The following EPHA6 variants were observed in gnomAD, a reference collection of about 807,000 sequenced individuals.
EPHA6 encodes EPH receptor A6.
Under a neutral mutation model 112.0 loss-of-function variants are expected in EPHA6, and 50 were observed. The observed-to-expected ratio is 0.45, with a 90% confidence interval of 0.36 to 0.56. EPHA6 has a LOEUF of 0.56. Ranked by LOEUF, EPHA6 falls within the 20% of genes least tolerant of loss-of-function variation. The pLI is 0.00. For missense variants in EPHA6, 1,280 were observed against 1,417.4 expected (o/e 0.90, Z 1.56); for synonymous variants, 529 against 490.7 (o/e 1.08, Z -1.03).
In EPHA6 at chr3:96,852,113, A is replaced by C. The variant is rs537291782; in HGVS notation, c.386-14712A>C. Among the ~76,000 whole-genome samples, 3 of 152,210 alleles carry C rather than the reference A, an allele frequency of 2.0e-5. No homozygotes were observed. The South Asian group carries it at 6.2e-4, about 32-fold the overall frequency. On this transcript the variant is annotated intron_variant, in intron 1 of 17. Transcript: ENST00000389672. Reference sequence around the variant, plus strand: ...TTCAGTACAATGTGTGATATTTTGGAGTTGATCTGGAGCAACTGGAGTTTT... The same window carrying C: ...TTCAGTACAATGTGTGATATTTTGGCGTTGATCTGGAGCAACTGGAGTTTT...
At chr3:97,181,251 G>T (rs79464119) in intron 3 of EPHA6, among the ~76,000 whole-genome samples, 4 of 152,006 alleles carry the variant, frequency 2.6e-5, no homozygotes, top group African/African-American at 9.7e-5. Flanking sequence ...GGTGGAGAAG[G>T]GTGGCTTTGG....
At chr3:97,395,093 A>G (rs2086623066) in intron 5 of EPHA6, among the ~76,000 whole-genome samples, 1 of 151,688 alleles carries the variant, frequency 6.6e-6, no homozygotes, top group Non-Finnish European at 1.5e-5. Context: ...CAGCTGTCAT[A>G]TTGGTTTAAC....
chr3:97,222,780 G>A (rs926674797), intron 3 of EPHA6, among the ~76,000 whole-genome samples: 21 of 152,056 alleles, frequency 1.4e-4, no homozygotes, highest in South Asian at 6.2e-4. Flanking sequence ...AGTATGTATC[G>A]AGCACCTACA....
chr3:96,994,954 A>G (rs962836158), intron 3 of EPHA6, among the ~76,000 whole-genome samples: 1 of 151,982 alleles, frequency 6.6e-6, no homozygotes, highest in African/African-American at 2.4e-5. Flanking sequence ...GGCATAATTA[A>G]AAACCTTTCT....
rs1295296921 is a variant in EPHA6, at chr3:97,750,230, T to C, written c.*1529T>C. 6.6e-6 allele frequency among the ~76,000 whole-genome samples: 1 copy of C among 151,880 alleles called. No homozygotes were observed. The highest frequency in any genetic ancestry group is 6.6e-5 in the Admixed American group (1 of 15,234). ...TAAATTAGCTTTTGTTGGATCTCAG[T>C]GATAATGGTGCCCTACCTACCCTAA... On this transcript the variant is annotated 3_prime_UTR_variant, in exon 18 of 18. Coordinates refer to ENST00000389672, the MANE Select transcript of EPHA6 (RefSeq NM_001080448.3).
At chr3:97,393,285 A>G (rs2086521727) in intron 5 of EPHA6, among the ~76,000 whole-genome samples, 1 of 151,836 alleles carries the variant, frequency 6.6e-6, no homozygotes. Flanking sequence ...TCATATTTCA[A>G]AGAAACTGAA....
At chr3:96,902,308 T>C (rs1168689340) in intron 2 of EPHA6, among the ~76,000 whole-genome samples, 5 of 152,182 alleles carry the variant, frequency 3.3e-5, no homozygotes, top group African/African-American at 1.2e-4. Flanking sequence ...ACAGAAAGTA[T>C]TTAAAACATG....
chr3:97,197,853 C>T (rs2077480675), intron 3 of EPHA6, among the ~76,000 whole-genome samples: 1 of 152,030 alleles, frequency 6.6e-6, no homozygotes, highest in South Asian at 2.1e-4. Flanking sequence ...GGCTCTGACT[C>T]CCAGAATGGA....
chr3:96,895,480 G>A (rs1372818531), intron 2 of EPHA6, among the ~76,000 whole-genome samples: 1 of 152,046 alleles, frequency 6.6e-6, no homozygotes, highest in Non-Finnish European at 1.5e-5. Flanking sequence ...AATAAATTTA[G>A]TGTAGCCTAA....
rs1487265302 is a variant in EPHA6 at position 97,750,247 on chromosome 3, C to G, written c.*1546C>G. On this transcript the variant is annotated 3_prime_UTR_variant, in exon 18 of 18. Coordinates refer to ENST00000389672, the MANE Select transcript of EPHA6 (RefSeq NM_001080448.3). ...GATCTCAGTGATAATGGTGCCCTAC[C>G]TACCCTAATTCTCAAATTCCTATCT... Among the ~76,000 whole-genome samples, 1 of 151,122 alleles carries G rather than the reference C, an allele frequency of 6.6e-6. No individual in the cohort carries two copies. The highest frequency in any genetic ancestry group is 1.5e-5 in the Non-Finnish European group (1 of 67,892).
Position 97,145,687 on chromosome 3 carries a change from G to C in EPHA6, c.1115-80577G>C, listed in dbSNP as rs189813773. ...ATGAGTCTTGAAATTCTACTGCATA[G>C]GTTTTTTATTTTGTGTCATACCACA... On this transcript the variant is annotated intron_variant, in intron 3 of 17. Coordinates refer to ENST00000389672, the MANE Select transcript of EPHA6 (RefSeq NM_001080448.3). 5.1e-4 allele frequency among the ~76,000 whole-genome samples: 78 copies of C among 151,470 alleles called. No homozygotes were observed. The East Asian group carries it at 0.012, about 23-fold the overall frequency.
chr3:96,871,655 G>A (rs1237896462), intron 2 of EPHA6, among the ~76,000 whole-genome samples: 1 of 151,872 alleles, frequency 6.6e-6, no homozygotes, highest in Non-Finnish European at 1.5e-5. Flanking sequence ...CGCACATTAT[G>A]TGAAAAATGC....
chr3:97,608,924 A>G (rs1310373665), intron 12 of EPHA6, among the ~76,000 whole-genome samples: 2 of 151,368 alleles, frequency 1.3e-5, no homozygotes, highest in Admixed American at 1.3e-4. Flanking sequence ...ACTGCCACTT[A>G]CCAGCTATTT....
intron 5 of EPHA6, among the ~76,000 whole-genome samples, chr3:97,311,310 A>G (rs1350745404): frequency 1.3e-5 from 2 of 151,594 alleles, no homozygotes; most frequent in African/African-American, 4.8e-5. Context: ...TTATCCTGTT[A>G]CATTCCCTCT....
chr3:97,607,307 G>A (rs369967469), intron 12 of EPHA6, among the ~76,000 whole-genome samples: 1 of 150,796 alleles, frequency 6.6e-6, no homozygotes, highest in East Asian at 1.9e-4. Flanking sequence ...GTAGTCTTAT[G>A]ATTATATAGT....
At chr3:97,736,350 A>G (rs1314225943) in intron 16 of EPHA6, among the ~76,000 whole-genome samples, 1 of 151,552 alleles carries the variant, frequency 6.6e-6, no homozygotes, top group African/African-American at 2.4e-5. Context: ...TCTCTCTCCA[A>G]TCTTTCTGAA....
chr3:97,204,866 C>G (rs1334852016), intron 3 of EPHA6, among the ~76,000 whole-genome samples: 1 of 152,090 alleles, frequency 6.6e-6, no homozygotes. Context: ...GCCTACTAAT[C>G]TTTACAATCA....
At chr3:97,093,097 C>T (rs1446653343) in intron 3 of EPHA6, among the ~76,000 whole-genome samples, 2 of 152,250 alleles carry the variant, frequency 1.3e-5, no homozygotes, top group Middle Eastern at 3.4e-3. Flanking sequence ...CACCAACAAA[C>T]TTATTTGGAT....
intron 3 of EPHA6, among the ~76,000 whole-genome samples, chr3:97,048,209 G>A (rs1405234466): frequency 6.6e-6 from 1 of 152,190 alleles, no homozygotes; most frequent in Non-Finnish European, 1.5e-5. Context: ...ATCATGCTAA[G>A]GCTGAATCTT....
Sources: gnomAD v4.1 joint callset for allele counts (sites outside exome capture counted in the v4.1 genomes callset) on GRCh38, gnomAD v4.1.1 for gene constraint, MANE v1.5 for transcripts, NCBI Gene and HGNC (gene_info 2026-07-23, HGNC 2026-07-21) for gene names.